Variants in UNC5C observed in about 807,000 individuals in gnomAD.
UNC5C encodes the protein unc-5 netrin receptor C.
Under a neutral mutation model 99.8 loss-of-function variants are expected in UNC5C, and 47 were observed. That is an observed-to-expected ratio of 0.47 (90% confidence interval 0.37 to 0.60). The LOEUF is 0.60. Among genes scored for constraint, UNC5C ranks in the 20% least tolerant of loss-of-function variants. The pLI, the probability that UNC5C is intolerant of heterozygous loss-of-function variation, is 0.00. For missense variants in UNC5C, 1,062 were observed against 1,165.9 expected (o/e 0.91, Z 1.30); for synonymous variants, 487 against 452.2 (o/e 1.08, Z -0.98).
At chr4:95,423,437 C>G (rs1746375223) in intron 1 of UNC5C, among the ~76,000 whole-genome samples, 1 of 152,136 alleles carries the variant, frequency 6.6e-6, no homozygotes, top group African/African-American at 2.4e-5. Context: ...TAAGTAACGC[C>G]ATGGAATTAC....
intron 1 of UNC5C, among the ~76,000 whole-genome samples, chr4:95,354,511 G>C (rs1744109174): frequency 2.3e-5 from 2 of 87,524 alleles, no homozygotes; most frequent in Non-Finnish European, 4.5e-5. Context: ...ACAGGGTCTT[G>C]TCCTGTCACC....
intron 1 of UNC5C, among the ~76,000 whole-genome samples, chr4:95,524,252 G>A (rs192389956): frequency 6.6e-6 from 1 of 152,328 alleles, no homozygotes; most frequent in Admixed American, 6.5e-5. Flanking sequence ...ATTTAGCTAA[G>A]TTTGACTTTG....
At chr4:95,317,229 T>C (rs1022484478) in intron 2 of UNC5C, among the ~76,000 whole-genome samples, 3 of 152,122 alleles carry the variant, frequency 2.0e-5, no homozygotes, top group African/African-American at 7.2e-5. Flanking sequence ...TTGAAGCACT[T>C]TGGAGGCAGT....
intron 11 of UNC5C, 100 bp downstream of exon 11, chr4:95,206,528 A>G: frequency 6.5e-7 from 1 of 1,534,008 alleles, no homozygotes. Flanking sequence ...CTAAAATTCC[A>G]CTCATGTTTT....
At chr4:95,521,999 T>C (rs1722372967) in intron 1 of UNC5C, among the ~76,000 whole-genome samples, 1 of 152,132 alleles carries the variant, frequency 6.6e-6, no homozygotes, top group Admixed American at 6.5e-5. Context: ...GCATTTCTTT[T>C]TTCTGAAAAA....
chr4:95,426,838 A>G (rs1175657068), intron 1 of UNC5C, among the ~76,000 whole-genome samples: 1 of 152,232 alleles, frequency 6.6e-6, no homozygotes, highest in Non-Finnish European at 1.5e-5. Flanking sequence ...ACATTCGTTC[A>G]TGAGGTTCAC....
chr4:95,353,391 A>G (rs1024375993), intron 1 of UNC5C, among the ~76,000 whole-genome samples: 1 of 151,998 alleles, frequency 6.6e-6, no homozygotes, highest in Non-Finnish European at 1.5e-5. Context: ...AACCATATCT[A>G]TCTATATCAA....
chr4:95,341,059 G>A (rs1196152643), intron 1 of UNC5C, among the ~76,000 whole-genome samples: 5 of 151,984 alleles, frequency 3.3e-5, no homozygotes, highest in African/African-American at 9.7e-5. Context: ...AGTGTAAATG[G>A]GTATCACAGA....
chr4:95,515,805 G>C (rs1722200220), intron 1 of UNC5C, among the ~76,000 whole-genome samples: 1 of 152,100 alleles, frequency 6.6e-6, no homozygotes, highest in Non-Finnish European at 1.5e-5. Context: ...CTTACTTTTT[G>C]ACATCATATT....
At chr4:95,288,485 A>G (rs1560771321) in intron 3 of UNC5C, among the ~76,000 whole-genome samples, 1 of 152,222 alleles carries the variant, frequency 6.6e-6, no homozygotes, top group Non-Finnish European at 1.5e-5. Flanking sequence ...TTGCTGGAAA[A>G]TGGATGCCGC....
chr4:95,369,987 C>T (rs1398203277), intron 1 of UNC5C, among the ~76,000 whole-genome samples: 1 of 151,608 alleles, frequency 6.6e-6, no homozygotes, highest in African/African-American at 2.4e-5. Flanking sequence ...CAAGAATACA[C>T]AGGATATAGT....
At chr4:95,281,134 A>G (rs1370571414) in intron 3 of UNC5C, among the ~76,000 whole-genome samples, 1 of 152,208 alleles carries the variant, frequency 6.6e-6, no homozygotes, top group Non-Finnish European at 1.5e-5. Context: ...TTGGGCAAAG[A>G]CATAATAACT....
intron 1 of UNC5C, among the ~76,000 whole-genome samples, chr4:95,448,748 A>G (rs1475046775): frequency 1.3e-5 from 2 of 152,182 alleles, no homozygotes; most frequent in Admixed American, 6.5e-5. Flanking sequence ...ACACCTGGGA[A>G]ATACATTTTT....
At chr4:95,249,777 G>A (rs934258117) in intron 5 of UNC5C, among the ~76,000 whole-genome samples, 5 of 152,320 alleles carry the variant, frequency 3.3e-5, no homozygotes, top group South Asian at 2.1e-4. Flanking sequence ...AAGTTGCTTC[G>A]TTGGACTTTA....
intron 1 of UNC5C, among the ~76,000 whole-genome samples, chr4:95,388,427 C>T (rs141136544): frequency 2.0e-5 from 3 of 152,218 alleles, no homozygotes; most frequent in Admixed American, 1.3e-4. Flanking sequence ...ATGAACAATT[C>T]CTTTTGCTTC....
At chr4:95,221,872 A>C (rs1301348131) in intron 7 of UNC5C, among the ~76,000 whole-genome samples, 1 of 152,198 alleles carries the variant, frequency 6.6e-6, no homozygotes, top group Non-Finnish European at 1.5e-5. Flanking sequence ...TTCAACATTC[A>C]TGATTTCTAG....
Position 95,169,054 on chromosome 4 carries a change from G to T in UNC5C, c.*180C>A. The T allele has an allele frequency of 1.5e-6, 1 of 673,348 alleles. No individual in the cohort carries two copies. The highest frequency in any genetic ancestry group is 2.5e-6 in the Non-Finnish European group (1 of 407,728). The allele number at this position is 673,348 out of a possible 1,614,324, so 41.7% of individuals were successfully genotyped here. On this transcript the variant is annotated 3_prime_UTR_variant, in exon 16 of 16. Coordinates refer to ENST00000453304, the MANE Select transcript of UNC5C (RefSeq NM_003728.4). ...AATTTTTCTTAACTCCCGTGATGAT[G>T]TCCGAGTAAAGTGGGCATGTACATG...
intron 1 of UNC5C, among the ~76,000 whole-genome samples, chr4:95,544,055 G>T (rs1402711510): frequency 6.6e-6 from 1 of 152,150 alleles, no homozygotes; most frequent in Non-Finnish European, 1.5e-5. Flanking sequence ...TTTGCCAACG[G>T]TTTGTAGAAT....
At chr4:95,274,431 TAAAG>T (rs1237320774) in intron 4 of UNC5C, among the ~76,000 whole-genome samples, 1 of 152,082 alleles carries the variant, frequency 6.6e-6, no homozygotes, top group Non-Finnish European at 1.5e-5. Flanking sequence ...TCCCCAGATA[TAAAG>T]AAAGGACTTT....
Sources: allele counts gnomAD v4.1 joint callset (sites outside exome capture counted in the v4.1 genomes callset), GRCh38; gene constraint gnomAD v4.1.1; transcripts MANE v1.5; gene names NCBI Gene and HGNC (gene_info 2026-07-23, HGNC 2026-07-21).